Variants in ESR1 observed in about 807,000 individuals in gnomAD.
ESR1 encodes the protein estrogen receptor 1, also known as estrogen receptor.
Under a neutral mutation model 52.7 loss-of-function variants are expected in ESR1, and 12 were observed. The observed-to-expected ratio is 0.23, with a 90% CI of 0.15 to 0.37. The LOEUF is 0.37. Among genes scored for constraint, ESR1 ranks in the 10% least tolerant of loss-of-function variants. The probability of loss-of-function intolerance (pLI) is 1.00; values close to 1 mark genes in which losing one functional copy is unlikely to be tolerated. For missense variants in ESR1, 584 were observed against 779.7 expected (o/e 0.75, Z 2.99); for synonymous variants, 305 against 316.8 (o/e 0.96, Z 0.39).
At chr6:152,103,980 CTTTTTTTTTT>C (rs369261779), downstream of ESR1, among the ~76,000 whole-genome samples, 6 of 93,884 alleles carry the variant, frequency 6.4e-5, no homozygotes, top group African/African-American at 1.3e-4. Flanking sequence ...TTCATTCTAC[CTTTTTTTTTT>C]TTTTTTTTTT....
chr6:151,987,042 A>C (rs1280991798), intron 4 of ESR1, among the ~76,000 whole-genome samples: 1 of 151,828 alleles, frequency 6.6e-6, no homozygotes, highest in Non-Finnish European at 1.5e-5. Flanking sequence ...AAGGATTCCT[A>C]CTCTGAGACC....
chr6:151,887,023 G>C (rs1425518539), intron 3 of ESR1, among the ~76,000 whole-genome samples: 3 of 147,868 alleles, frequency 2.0e-5, no homozygotes, highest in African/African-American at 7.7e-5. Flanking sequence ...CCTGGGTGAC[G>C]GAATGAGACT....
intron 1 of ESR1, among the ~76,000 whole-genome samples, chr6:151,814,962 G>A (rs979751880): frequency 6.6e-6 from 1 of 152,142 alleles, no homozygotes; most frequent in Non-Finnish European, 1.5e-5. Flanking sequence ...CGTGTACAAG[G>A]CATTTTTGCT....
chr6:152,059,646 G>C (rs1485986722), intron 5 of ESR1, among the ~76,000 whole-genome samples: 1 of 152,112 alleles, frequency 6.6e-6, no homozygotes, highest in East Asian at 1.9e-4. Context: ...CAAGCTATTT[G>C]AAAGCAATGT....
At chr6:152,024,277 A>C (rs1267600040) in intron 5 of ESR1, among the ~76,000 whole-genome samples, 1 of 152,096 alleles carries the variant, frequency 6.6e-6, no homozygotes, top group East Asian at 1.9e-4. Context: ...TTGTTTATAG[A>C]AGGTGCACAT....
At chr6:151,913,005 G>A (rs903961008) in intron 3 of ESR1, among the ~76,000 whole-genome samples, 3 of 151,960 alleles carry the variant, frequency 2.0e-5, no homozygotes, top group African/African-American at 7.3e-5. Flanking sequence ...GTTGATAGGT[G>A]TAGCAAACCA....
At chr6:151,953,869 C>T (rs1162309257) in intron 4 of ESR1, among the ~76,000 whole-genome samples, 1 of 152,104 alleles carries the variant, frequency 6.6e-6, no homozygotes, top group Non-Finnish European at 1.5e-5. Flanking sequence ...TTTCATACCA[C>T]TTTTATGTTA....
rs1304692406 is a variant in ESR1, at chr6:152,098,839, G to A, written c.1661G>A (p.Ser554Asn). 1.9e-6 allele frequency: 3 copies of A among 1,614,058 alleles called. No individual in the cohort carries two copies. The highest frequency in any genetic ancestry group is 4.5e-5 in the East Asian group (2 of 44,876). ...LDAHRLHAPT[S>N]RGGASVEETD... ...GCCCACCGCCTACATGCGCCCACTA[G>A]CCGTGGAGGGGCATCCGTGGAGGAG... The change falls in exon 8 of 8, where the codon AGC (serine) becomes AAC (asparagine). Residue 554 changes from serine to asparagine, a missense_variant. Around this residue, in one of 6 missense-constraint regions of ESR1, gnomAD observed 71 missense variants for 66.1 expected, o/e 1.07. Transcript: ENST00000206249. The surrounding 1 kb of genome is among the most constrained non-coding windows in gnomAD (Gnocchi z 5.1).
chr6:152,044,734 C>T (rs2046088948), intron 5 of ESR1, among the ~76,000 whole-genome samples: 1 of 152,168 alleles, frequency 6.6e-6, no homozygotes, highest in African/African-American at 2.4e-5. Context: ...CTAGTCCTTC[C>T]ATGTTCCTCT....
chr6:151,886,146 T>A (rs1793809170), intron 3 of ESR1, among the ~76,000 whole-genome samples: 1 of 152,118 alleles, frequency 6.6e-6, no homozygotes, highest in Non-Finnish European at 1.5e-5. Flanking sequence ...CTTAAACACC[T>A]AAGCTTTTTT....
chr6:152,086,625 C>A, intron 6 of ESR1, among the ~76,000 whole-genome samples: 1 of 149,846 alleles, frequency 6.7e-6, no homozygotes, highest in East Asian at 2.0e-4. Flanking sequence ...ATCTAGTAGA[C>A]GTCACTAAAA....
intron 2 of ESR1, among the ~76,000 whole-genome samples, chr6:151,782,879 G>T (rs1307869049): frequency 6.6e-6 from 1 of 152,140 alleles, no homozygotes; most frequent in East Asian, 1.9e-4. Context: ...CTCCACATCT[G>T]CTCACTAAAA....
chr6:151,709,394 TTAGA>T lies in ESR1; in HGVS notation c.-71+7391_-71+7394del, dbSNP rs1780417436. Among the ~76,000 whole-genome samples the T allele has an allele frequency of 3.3e-5, 5 of 152,244 alleles. No homozygotes were observed. In the South Asian group the frequency reaches 1.0e-3, roughly 31 times the overall value. On this transcript the variant is annotated intron_variant, in intron 2 of 2. Coordinates refer to the ESR1 transcript ENST00000404742. The stretch of plus-strand genomic sequence containing the variant: ...TATCCATTCATCTGTTGATGGATAC[TTAGA>T]TTGATTCTACATCTTGGCTATTATG...
intron 2 of ESR1, among the ~76,000 whole-genome samples, chr6:151,799,259 T>C (rs938049099): frequency 6.6e-6 from 1 of 152,240 alleles, no homozygotes; most frequent in African/African-American, 2.4e-5. Flanking sequence ...GCAAGTCTCC[T>C]GTGTTGTTCA....
intron 5 of ESR1, among the ~76,000 whole-genome samples, chr6:152,046,654 A>G (rs1328730597): frequency 3.9e-5 from 6 of 152,356 alleles, no homozygotes; most frequent in Non-Finnish European, 7.3e-5. Flanking sequence ...AAGAATTGCC[A>G]ATGAGTTGTA....
rs557405251 is a variant in ESR1, at chr6:151,821,265, G to C, written c.452+12901G>C. 2.6e-5 allele frequency among the ~76,000 whole-genome samples: 4 copies of C among 152,182 alleles called. No individual in the cohort carries two copies. The East Asian group carries it at 7.7e-4, about 29-fold the overall frequency. ...TTTATAGTAGAAGCTCAAGCAAGCA[G>C]GATGACAGAATACCTAATTCTGGTC... On this transcript the variant is annotated intron_variant, in intron 1 of 7. Coordinates refer to ENST00000206249, the MANE Select transcript of ESR1 (RefSeq NM_000125.4).
chr6:152,042,362 A>G (rs897495904), intron 5 of ESR1, among the ~76,000 whole-genome samples: 5 of 152,180 alleles, frequency 3.3e-5, no homozygotes, highest in Non-Finnish European at 7.3e-5. Flanking sequence ...CTGATCTCCA[A>G]AAGCCCCTAC....
intron 1 of ESR1, among the ~76,000 whole-genome samples, chr6:151,684,479 C>T (rs759841353): frequency 5.9e-5 from 9 of 152,072 alleles, no homozygotes; most frequent in Non-Finnish European, 1.0e-4. Context: ...TAGAGGCTGT[C>T]GGCAACCAGA....
chr6:152,092,846 C>T (rs1327817489), intron 6 of ESR1, among the ~76,000 whole-genome samples: 1 of 152,124 alleles, frequency 6.6e-6, no homozygotes, highest in East Asian at 1.9e-4. Context: ...GTTGAGGTCT[C>T]AACTTCTTGT....
Sources: allele counts gnomAD v4.1 joint callset (sites outside exome capture counted in the v4.1 genomes callset), GRCh38; gene constraint gnomAD v4.1.1; regional missense constraint gnomAD v4.1.1; non-coding constraint Gnocchi (gnomAD v3.1); transcripts MANE v1.5; gene names NCBI Gene and HGNC (gene_info 2026-07-23, HGNC 2026-07-21).